The following PLLP variants were observed in gnomAD, a reference collection of about 807,000 sequenced individuals.
PLLP encodes the protein plasma membrane proteolipid (plasmolipin).
Under a neutral mutation model 19.7 loss-of-function variants are expected in PLLP, and 15 were observed. That is an observed-to-expected ratio of 0.76 (90% CI 0.51 to 1.17). The LOEUF is 1.17. PLLP is among the 50% of genes most tolerant of loss of function. PLLP has a pLI of 0.00. For synonymous variants in PLLP, 111 were observed against 116.3 expected, an observed-to-expected ratio of 0.95 and a Z score of 0.29; for missense variants, 255 against 258.3, an observed-to-expected ratio of 0.99 and a Z score of 0.09.
At chr16:57,266,483 G>A (rs1410875588) in intron 1 of PLLP, among the ~76,000 whole-genome samples, 2 of 152,136 alleles carry the variant, frequency 1.3e-5, no homozygotes, top group South Asian at 2.1e-4. Context: ...CACAGGCCTC[G>A]CTGTGGGCAT....
At position 57,256,916 on chromosome 16, in the gene PLLP, G is replaced by A. The variant is rs1262072292; in HGVS notation, c.546C>T (p.Ala182=). The change falls in exon 4 of 4, where the codon GCC becomes GCT. Residue 182 remains alanine (A), a synonymous_variant. Transcript: ENST00000219207. ...AATSQMAGGY[A] Reference sequence around the variant, plus strand: ...AGGGGGCCGTGGCACAGGTGGTTTAGGCATAGCCGCCAGCCATCTGACTGG... The same window carrying A: ...AGGGGGCCGTGGCACAGGTGGTTTAAGCATAGCCGCCAGCCATCTGACTGG... 1.9e-6 allele frequency: 3 copies of A among 1,607,376 alleles called. No individual in the cohort carries two copies. In the South Asian group the frequency reaches 3.3e-5, roughly 18 times the overall value.
intron 3 of PLLP, 93 bp from the exon 4 acceptor site, chr16:57,257,122 A>T: frequency 1.2e-6 from 1 of 852,864 alleles, no homozygotes; most frequent in Non-Finnish European, 2.0e-6. Flanking sequence ...GGGTTGTGGC[A>T]GCCGCACCAT....
intron 1 of PLLP, among the ~76,000 whole-genome samples, chr16:57,266,566 A>T (rs1214864781): frequency 6.6e-6 from 1 of 152,158 alleles, no homozygotes; most frequent in Non-Finnish European, 1.5e-5. Context: ...CAAGGTGATG[A>T]TAAGCAAAGA....
Position 57,284,647 on chromosome 16 carries a change from T to TG in PLLP, c.-108dup. ...TTCCCCCAGGCTCCGGATCCCTGTG[T>TG]GGCTCCAGGCGCTGCAGGAGGCGTC... On this transcript the variant is annotated 5_prime_UTR_variant, in exon 1 of 4. Coordinates refer to ENST00000219207, the MANE Select transcript of PLLP (RefSeq NM_015993.3). The TG allele has an allele frequency of 9.0e-7, 1 of 1,116,290 alleles. No homozygotes were observed. The highest frequency in any genetic ancestry group is 1.1e-6 in the Non-Finnish European group (1 of 874,200). 69.1% of individuals were successfully genotyped at this position (1,116,290 alleles called of 1,614,324 possible).
At chr16:57,265,713 C>T (rs1479336705) in intron 1 of PLLP, among the ~76,000 whole-genome samples, 2 of 152,166 alleles carry the variant, frequency 1.3e-5, no homozygotes, top group Admixed American at 1.3e-4. Context: ...GGCAATGTGC[C>T]TGAGGTCACT....
At chr16:57,259,108 G>C (rs1280958705) in intron 2 of PLLP, among the ~76,000 whole-genome samples, 1 of 151,886 alleles carries the variant, frequency 6.6e-6, no homozygotes, top group Non-Finnish European at 1.5e-5. Flanking sequence ...CAGGAGGCCT[G>C]CTGAGCAGGG....
chr16:57,267,453 G>A (rs1211401301), intron 1 of PLLP, among the ~76,000 whole-genome samples: 3 of 152,116 alleles, frequency 2.0e-5, no homozygotes, highest in African/African-American at 4.8e-5. Context: ...TGTAGTCCCA[G>A]CTACTCAGGA....
chr16:57,258,586 T>C lies in PLLP; in HGVS notation c.310-2A>G, dbSNP rs1432826047. On this transcript the variant is annotated splice_acceptor_variant, in intron 2 of 3. Transcript: ENST00000219207. LOFTEE classifies it high-confidence loss of function. ...GGCGCTGATGTTAAAGATCATTAAC[T>C]GCAGGACATGGGGGTAGGGAGTGGG... The C allele has an allele frequency of 2.5e-6, 4 of 1,612,624 alleles. No homozygotes were observed. The highest frequency in any genetic ancestry group is 3.4e-6 in the Non-Finnish European group (4 of 1,179,840).
chr16:57,265,356 C>T (rs528183273), intron 1 of PLLP, among the ~76,000 whole-genome samples: 93 of 152,382 alleles, frequency 6.1e-4, no homozygotes, highest in African/African-American at 2.2e-3. Flanking sequence ...TCGGGCAGCA[C>T]GCCTCCGTCC....
intron 2 of PLLP, 32 bp from the exon 3 acceptor site, chr16:57,258,616 G>C: frequency 6.2e-7 from 1 of 1,609,240 alleles, no homozygotes; most frequent in South Asian, 1.1e-5. Flanking sequence ...AGTGGGGAGA[G>C]AAAAGGCTTA....
At chr16:57,277,160 A>T (rs1901163955) in intron 1 of PLLP, among the ~76,000 whole-genome samples, 1 of 152,236 alleles carries the variant, frequency 6.6e-6, no homozygotes, top group Non-Finnish European at 1.5e-5. Context: ...CTCCTTAAAG[A>T]AAGTCTTAAA....
At chr16:57,280,872 T>C (rs534133366) in intron 1 of PLLP, among the ~76,000 whole-genome samples, 1 of 152,362 alleles carries the variant, frequency 6.6e-6, no homozygotes, top group East Asian at 1.9e-4. Flanking sequence ...AGATTGGTTC[T>C]TCAGGACACA....
intron 1 of PLLP, among the ~76,000 whole-genome samples, chr16:57,277,891 T>C (rs1284928011): frequency 2.6e-5 from 4 of 152,234 alleles, no homozygotes; most frequent in African/African-American, 9.6e-5. Flanking sequence ...TGATTACCCT[T>C]TCTACTATTT....
intron 1 of PLLP, among the ~76,000 whole-genome samples, chr16:57,279,386 T>G (rs1597966201): frequency 1.4e-5 from 2 of 141,186 alleles, no homozygotes; most frequent in African/African-American, 2.7e-5. Context: ...TTGTTAAGAG[T>G]AGAGGACTGG....
At chr16:57,282,728 A>C (rs1901234835) in intron 1 of PLLP, among the ~76,000 whole-genome samples, 1 of 152,018 alleles carries the variant, frequency 6.6e-6, no homozygotes. Context: ...CCTGTTGGCT[A>C]CTCCCTGCAA....
chr16:57,274,027 G>T (rs1901117316), intron 1 of PLLP, among the ~76,000 whole-genome samples: 1 of 152,114 alleles, frequency 6.6e-6, no homozygotes, highest in Admixed American at 6.6e-5. Context: ...TCACTCTGTT[G>T]CCCAGGCTGG....
intron 1 of PLLP, among the ~76,000 whole-genome samples, chr16:57,275,331 G>A (rs754538930): frequency 6.6e-6 from 1 of 152,012 alleles, no homozygotes; most frequent in Admixed American, 6.6e-5. Flanking sequence ...TTGTACAGAT[G>A]TATCATAATT....
At position 57,278,913 on chromosome 16, in the gene PLLP, C is replaced by T. The variant is rs1190528964; in HGVS notation, c.135+5493G>A. On this transcript the variant is annotated intron_variant, in intron 1 of 3. Coordinates refer to ENST00000219207, the MANE Select transcript of PLLP (RefSeq NM_015993.3). ...GAGGAGCTGGTCTGCCTCCTGGGGC[C>T]GGAGACAGAGCCGGTATCACCATAA... Among the ~76,000 whole-genome samples, 7 of 152,068 alleles carry T rather than the reference C, an allele frequency of 4.6e-5. No homozygotes were observed. In the East Asian group the frequency reaches 1.4e-3, roughly 29 times the overall value.
At chr16:57,259,869 C>A (rs1231630679) in intron 2 of PLLP, among the ~76,000 whole-genome samples, 2 of 151,216 alleles carry the variant, frequency 1.3e-5, no homozygotes, top group African/African-American at 4.9e-5. Flanking sequence ...CCCAGCTACA[C>A]AGGAGGCTGA....
Sources: gnomAD v4.1 joint callset for allele counts (sites outside exome capture counted in the v4.1 genomes callset) on GRCh38, gnomAD v4.1.1 for gene constraint, MANE v1.5 for transcripts, NCBI Gene and HGNC (gene_info 2026-07-23, HGNC 2026-07-21) for gene names.